ACOT11: variants seen among roughly 807,000 people sequenced by gnomAD.
The protein encoded by ACOT11 is acyl-CoA thioesterase 11.
A neutral mutation model predicts 77.5 loss-of-function variants in ACOT11; 69 were observed. That is an observed-to-expected ratio of 0.89 (90% CI 0.73 to 1.09). The LOEUF is 1.09. ACOT11 is among the 50% of genes least tolerant of loss of function. The pLI, the probability that ACOT11 is intolerant of heterozygous loss-of-function variation, is 0.00. For synonymous variants in ACOT11, 279 were observed against 313.0 expected, an observed-to-expected ratio of 0.89 and a Z score of 1.15; for missense variants, 766 against 813.7, an observed-to-expected ratio of 0.94 and a Z score of 0.71.
intron 1 of ACOT11, among the ~76,000 whole-genome samples, chr1:54,562,856 G>A (rs1182190611): frequency 2.4e-5 from 3 of 124,598 alleles, no homozygotes; most frequent in Admixed American, 7.6e-5. Flanking sequence ...GATGGCGGCT[G>A]GGAAGAGGCG....
chr1:54,610,622 G>T (rs1644107975), downstream of ACOT11: 3 of 1,569,000 alleles, frequency 1.9e-6, no homozygotes, highest in Admixed American at 5.3e-5. Context: ...TGGTTGCTAG[G>T]GTCCCATAGG....
At chr1:54,569,653 C>T (rs759880352) in intron 1 of ACOT11, among the ~76,000 whole-genome samples, 1 of 152,152 alleles carries the variant, frequency 6.6e-6, no homozygotes, top group African/African-American at 2.4e-5. Flanking sequence ...CACAGGGTGC[C>T]CATTTGGTTA....
intron 16 of ACOT11, among the ~76,000 whole-genome samples, chr1:54,632,010 T>C (rs1384373199): frequency 6.6e-6 from 1 of 152,140 alleles, no homozygotes; most frequent in African/African-American, 2.4e-5. Context: ...ATACTCCATT[T>C]CCTGGAGCTT....
At chr1:54,611,541 T>G, downstream of ACOT11, 2 of 1,557,614 alleles carry the variant, frequency 1.3e-6, no homozygotes, top group Non-Finnish European at 1.8e-6. Context: ...TCTGCTCCAG[T>G]GCCCACCAGG....
chr1:54,551,429 TGTG>T (rs1653063194), intron 1 of ACOT11, among the ~76,000 whole-genome samples: 1 of 152,096 alleles, frequency 6.6e-6, no homozygotes, highest in South Asian at 2.1e-4. Context: ...CTGAGTGCAG[TGTG>T]GTGGTGCGGG....
At chr1:54,575,483 G>A (rs1443011429) in intron 1 of ACOT11, among the ~76,000 whole-genome samples, 1 of 152,072 alleles carries the variant, frequency 6.6e-6, no homozygotes, top group Admixed American at 6.5e-5. Context: ...ATGGGAGCAG[G>A]GCCTCTAGCG....
rs762428631 is a variant in ACOT11 at position 54,603,963 on chromosome 1, A to G, written c.1152+26A>G. On this transcript the variant is annotated intron_variant, in intron 11 of 15. Coordinates refer to ENST00000343744, the MANE Select transcript of ACOT11 (RefSeq NM_147161.4). ...GTAAGGCTCTCTGCTCCGAGAGGAC[A>G]GTCTTCAGACCCACCGGGCCCCCAC... is the stretch of plus-strand genomic sequence containing the variant. 12 of 1,610,884 alleles carry G rather than the reference A, an allele frequency of 7.4e-6. No individual in the cohort carries two copies. The East Asian group carries it at 2.5e-4, about 33-fold the overall frequency.
Position 54,585,911 on chromosome 1 carries a change from G to C in ACOT11, c.311+7G>C. 6.2e-7 allele frequency: 1 copy of C among 1,613,874 alleles called. No individual in the cohort carries two copies. The highest frequency in any genetic ancestry group is 8.5e-7 in the Non-Finnish European group (1 of 1,179,898). ...ATTTTGAGCACACCATTAGGTAAGT[G>C]GCCCCTCCTGCCTCAAGGTCCTCTG... On this transcript the variant is annotated splice_region_variant and intron_variant, in intron 3 of 15. Transcript: ENST00000343744.
chr1:54,570,774 A>G (rs1009459145), intron 1 of ACOT11, among the ~76,000 whole-genome samples: 5 of 150,520 alleles, frequency 3.3e-5, no homozygotes, highest in African/African-American at 1.2e-4. Context: ...TCTACCTCCC[A>G]GGTTCAAGCG....
At chr1:54,579,033 A>G (rs980208813) in intron 1 of ACOT11, among the ~76,000 whole-genome samples, 33 of 152,224 alleles carry the variant, frequency 2.2e-4, no homozygotes, top group Non-Finnish European at 2.9e-4. Context: ...CACACTTAGT[A>G]GCTAAAGGAA....
intron 15 of ACOT11, chr1:54,615,919 C>T (rs1644167868): frequency 6.4e-6 from 8 of 1,243,130 alleles, no homozygotes; most frequent in Admixed American, 2.0e-5. Flanking sequence ...ATGAGCACCT[C>T]GTGTCAGGGC....
At chr1:54,612,826 A>T, downstream of ACOT11, 1 of 731,856 alleles carries the variant, frequency 1.4e-6, no homozygotes, top group South Asian at 1.8e-5. Context: ...TGATAAGGTC[A>T]GAAGCAGAGT....
intron 1 of ACOT11, 25 bp downstream of exon 1, chr1:54,548,367 G>C (rs746266611): frequency 1.9e-6 from 3 of 1,596,926 alleles, no homozygotes; most frequent in Non-Finnish European, 2.6e-6. Context: ...CTGGGGCAGC[G>C]GGAGGGCTCT....
chr1:54,611,563 G>A (rs1644118560), downstream of ACOT11: 1 of 1,605,956 alleles, frequency 6.2e-7, no homozygotes, highest in East Asian at 2.2e-5. Context: ...GCTGCTCCAT[G>A]CAGAATCCAG....
intron 1 of ACOT11, among the ~76,000 whole-genome samples, chr1:54,570,995 TC>T (rs1653911427): frequency 6.6e-6 from 1 of 152,052 alleles, no homozygotes; most frequent in South Asian, 2.1e-4. Context: ...TGAAGGCACT[TC>T]CTATGAGTCA....
chr1:54,636,682 G>C (rs914687563), exon 17 of ACOT11: 1 of 151,458 alleles, frequency 6.6e-6, no homozygotes, highest in Non-Finnish European at 1.5e-5. Flanking sequence ...TCGGGCTGGG[G>C]GATGGTCAGG....
exon 17 of ACOT11, chr1:54,637,545 G>A (rs1244610488): frequency 6.6e-6 from 1 of 152,318 alleles, no homozygotes; most frequent in Admixed American, 6.6e-5. Context: ...CACTTTGGGA[G>A]GCTGAGGTGG....
intron 15 of ACOT11, among the ~76,000 whole-genome samples, chr1:54,630,551 G>C (rs977886400): frequency 1.3e-5 from 2 of 152,166 alleles, no homozygotes; most frequent in Admixed American, 6.5e-5. Context: ...ACATCCCTTC[G>C]TTTCCCATAA....
chr1:54,564,412 G>C (rs181821125), intron 1 of ACOT11, among the ~76,000 whole-genome samples: 56 of 149,904 alleles, frequency 3.7e-4, no homozygotes, highest in African/African-American at 1.3e-3. Context: ...GGGAATCTCA[G>C]GTCTCTCCAC....
Sources: gnomAD v4.1 joint callset for allele counts (sites outside exome capture counted in the v4.1 genomes callset) on GRCh38, gnomAD v4.1.1 for gene constraint, MANE v1.5 for transcripts, NCBI Gene and HGNC (gene_info 2026-07-23, HGNC 2026-07-21) for gene names.